Variants in QTGAL observed in about 807,000 individuals in gnomAD.
QTGAL encodes queuosine-tRNA galactosyltransferase.
At chr17:82,945,558 G>A in the QTGAL span, 5 of 152,218 alleles carry the variant, frequency 3.3e-5, no homozygotes, top group Non-Finnish European at 7.3e-5. Context: ...TGTGCCCACA[G>A]CATAACATTA....
chr17:82,996,402 G>A, the QTGAL span, among the ~76,000 whole-genome samples: 1 of 151,808 alleles, frequency 6.6e-6, no homozygotes, highest in Non-Finnish European at 1.5e-5. Context: ...CGCACCTGTA[G>A]TCCCAGCTGC....
the QTGAL span, among the ~76,000 whole-genome samples, chr17:82,976,107 C>T: frequency 1.3e-4 from 6 of 44,904 alleles, no homozygotes; most frequent in African/African-American, 1.7e-4. Flanking sequence ...CAGAGCCCGA[C>T]TCCATCCTCC....
the QTGAL span, among the ~76,000 whole-genome samples, chr17:82,971,618 CCA>C: frequency 4.1e-5 from 6 of 146,940 alleles, no homozygotes; most frequent in African/African-American, 1.5e-4. Flanking sequence ...CCACACCACA[CCA>C]CAGGGGCCAG....
the QTGAL span, among the ~76,000 whole-genome samples, chr17:83,038,858 C>A: frequency 7.1e-6 from 1 of 140,960 alleles, no homozygotes; most frequent in Admixed American, 7.1e-5. Context: ...GACTCCATCT[C>A]AACAACAACA....
chr17:83,044,527 T>A, the QTGAL span, among the ~76,000 whole-genome samples: 1 of 152,198 alleles, frequency 6.6e-6, no homozygotes, highest in African/African-American at 2.4e-5. Flanking sequence ...ACAGCTAACG[T>A]CATATTCAAA....
At chr17:82,968,230 G>A in the QTGAL span, among the ~76,000 whole-genome samples, 1 of 152,154 alleles carries the variant, frequency 6.6e-6, no homozygotes, top group African/African-American at 2.4e-5. Flanking sequence ...GTTCACGGCA[G>A]CTCCACGCAC....
the QTGAL span, among the ~76,000 whole-genome samples, chr17:83,015,095 G>C: frequency 5.2e-4 from 77 of 147,350 alleles, no homozygotes; most frequent in African/African-American, 2.0e-3. This position sits in a 1 kb window ranked among gnomAD's most constrained non-coding sequence, Gnocchi z 4.4. Flanking sequence ...TCTGCGGTGA[G>C]GACCTGCCAC....
the QTGAL span, among the ~76,000 whole-genome samples, chr17:83,020,423 C>A: frequency 6.6e-6 from 1 of 152,140 alleles, no homozygotes; most frequent in African/African-American, 2.4e-5. Flanking sequence ...TGCTTCAGAA[C>A]AATATTTTCC....
At chr17:83,010,734 C>T in the QTGAL span, among the ~76,000 whole-genome samples, 3 of 152,236 alleles carry the variant, frequency 2.0e-5, no homozygotes, top group African/African-American at 4.8e-5. Flanking sequence ...CAGGGAGAGT[C>T]GGCTGCCGTG....
chr17:82,998,998 G>A, the QTGAL span, among the ~76,000 whole-genome samples: 2 of 151,504 alleles, frequency 1.3e-5, no homozygotes, highest in African/African-American at 4.8e-5. Context: ...GAGTTGGCAA[G>A]GACATGGAAG....
At chr17:82,968,994 C>T in the QTGAL span, among the ~76,000 whole-genome samples, 18 of 151,988 alleles carry the variant, frequency 1.2e-4, no homozygotes, top group South Asian at 1.2e-3. Context: ...ATTAGCTGGG[C>T]GTGGTGGCAG....
the QTGAL span, chr17:82,945,511 T>C: frequency 6.6e-6 from 1 of 152,240 alleles, no homozygotes; most frequent in African/African-American, 2.4e-5. Flanking sequence ...AAGGTCTTCA[T>C]TATGCTGAGA....
the QTGAL span, among the ~76,000 whole-genome samples, chr17:83,047,793 C>T: frequency 6.7e-6 from 1 of 149,830 alleles, no homozygotes; most frequent in African/African-American, 2.5e-5. Context: ...CAATAAATCC[C>T]TACCAAAGAA....
At chr17:83,038,766 G>C in the QTGAL span, among the ~76,000 whole-genome samples, 30,216 of 152,024 alleles carry the variant, frequency 0.2, 3,586 homozygotes, top group East Asian at 0.43. Flanking sequence ...GGCTGAGGCA[G>C]GAGAATGGCG....
At chr17:83,036,113 C>A in the QTGAL span, among the ~76,000 whole-genome samples, 1 of 152,242 alleles carries the variant, frequency 6.6e-6, no homozygotes, top group African/African-American at 2.4e-5. Context: ...ACTTAATCTG[C>A]ATGGCCACCA....
the QTGAL span, among the ~76,000 whole-genome samples, chr17:82,997,951 A>ATATC: frequency 2.0e-4 from 29 of 147,968 alleles, no homozygotes; most frequent in Non-Finnish European, 3.6e-4. Context: ...ATATATATCT[A>ATATC]TATCTATCTA....
chr17:83,037,848 A>G, the QTGAL span, among the ~76,000 whole-genome samples: 1 of 152,170 alleles, frequency 6.6e-6, no homozygotes, highest in African/African-American at 2.4e-5. The surrounding 1 kb of genome is among the most constrained non-coding windows in gnomAD (Gnocchi z 5.2). Context: ...AGAGACAAGG[A>G]ATTTGCTTTA....
At chr17:82,960,494 AG>A in the QTGAL span, 1 of 146,514 alleles carries the variant, frequency 6.8e-6, no homozygotes, top group Non-Finnish European at 1.6e-5. Flanking sequence ...GATCTAAGGA[AG>A]GAATTCTACA....
At chr17:83,047,188 G>C in the QTGAL span, among the ~76,000 whole-genome samples, 4 of 152,208 alleles carry the variant, frequency 2.6e-5, no homozygotes, top group Non-Finnish European at 5.9e-5. Flanking sequence ...CCCCTTCCTG[G>C]CTCACAGAGG....
Sources: allele counts gnomAD v4.1 joint callset (sites outside exome capture counted in the v4.1 genomes callset), GRCh38; gene constraint gnomAD v4.1.1; non-coding constraint Gnocchi (gnomAD v3.1); transcripts MANE v1.5; gene names NCBI Gene and HGNC (gene_info 2026-07-23, HGNC 2026-07-21).